FGGY: variants seen among roughly 807,000 people sequenced by gnomAD.
FGGY encodes the protein FGGY carbohydrate kinase domain containing.
In FGGY, 72 loss-of-function variants were observed where a neutral mutation model predicts 71.3. The ratio of observed to expected loss-of-function variants is 1.01; its 90% CI spans 0.84 to 1.23. The LOEUF is 1.23. Ranked by LOEUF, FGGY falls within the 50% of genes most tolerant of loss-of-function variation. The pLI, the probability that FGGY is intolerant of heterozygous loss-of-function variation, is 0.00. For synonymous variants in FGGY, 251 were observed against 250.3 expected (o/e 1.00, Z -0.02); for missense variants, 668 against 682.3 (o/e 0.98, Z 0.23).
At chr1:59,533,009 A>G (rs1308911493) in intron 7 of FGGY, among the ~76,000 whole-genome samples, 1 of 152,208 alleles carries the variant, frequency 6.6e-6, no homozygotes, top group Non-Finnish European at 1.5e-5. Flanking sequence ...AGGAGCCAAG[A>G]TGGCCGAATA....
chr1:59,411,071 C>A (rs1457529572), intron 5 of FGGY, among the ~76,000 whole-genome samples: 1 of 152,146 alleles, frequency 6.6e-6, no homozygotes, highest in Non-Finnish European at 1.5e-5. Flanking sequence ...CTAGTTTTGC[C>A]AGTTGTCATA....
intron 7 of FGGY, among the ~76,000 whole-genome samples, chr1:59,536,048 G>A (rs908905491): frequency 6.6e-6 from 1 of 151,366 alleles, no homozygotes; most frequent in African/African-American, 2.4e-5. Flanking sequence ...CCAGGAGCTG[G>A]TTTTTTGAAA....
At chr1:59,684,907 G>A (rs888005696) in intron 14 of FGGY, among the ~76,000 whole-genome samples, 59 of 152,320 alleles carry the variant, frequency 3.9e-4, no homozygotes, top group African/African-American at 1.3e-3. Context: ...TGCCTATTCA[G>A]CAGAAAAGTA....
chr1:59,743,195 C>T lies in FGGY; in HGVS notation c.1513-14736C>T, dbSNP rs141957521. On this transcript the variant is annotated intron_variant, in intron 14 of 15. Transcript: ENST00000303721. Reference sequence around the variant, plus strand: ...TGTATCATGTTGTCTTTACTTAAGGCCTTCAGATATGCATTTCCTTCAGTC... The same window carrying T: ...TGTATCATGTTGTCTTTACTTAAGGTCTTCAGATATGCATTTCCTTCAGTC... Among the ~76,000 whole-genome samples, 21 of 152,266 alleles carry T rather than the reference C, an allele frequency of 1.4e-4. No homozygotes were observed. In the East Asian group the frequency reaches 4.1e-3, roughly 29 times the overall value.
chr1:59,690,088 G>T (rs1406909598), intron 14 of FGGY, among the ~76,000 whole-genome samples: 1 of 152,164 alleles, frequency 6.6e-6, no homozygotes, highest in African/African-American at 2.4e-5. Flanking sequence ...CACTACAGAG[G>T]CTGGAGGAGA....
chr1:59,638,194 C>A (rs1012413719), intron 10 of FGGY, 34 bp from the exon 11 acceptor site: 2 of 1,603,726 alleles, frequency 1.2e-6, no homozygotes, highest in Admixed American at 1.7e-5. Flanking sequence ...TGACCCTATC[C>A]CCCCTTTAAA....
rs1164336353 is a variant in FGGY, at chr1:59,628,646, A to G, written c.1073+2597A>G. ...AATCTAAAATTATTTTGAAATAAAA[A>G]GTCTAAAAAATAATGAATGGATTTT... is the stretch of plus-strand genomic sequence containing the variant. On this transcript the variant is annotated intron_variant, in intron 10 of 15. Coordinates refer to ENST00000303721, the MANE Select transcript of FGGY (RefSeq NM_018291.5). Among the ~76,000 whole-genome samples, 4 of 152,360 alleles carry G rather than the reference A, an allele frequency of 2.6e-5. No homozygotes were observed. In the South Asian group the frequency reaches 8.3e-4, roughly 32 times the overall value.
chr1:59,500,008 T>C (rs1181652445), intron 6 of FGGY, among the ~76,000 whole-genome samples: 3 of 152,228 alleles, frequency 2.0e-5, no homozygotes, highest in African/African-American at 7.2e-5. Context: ...TGATTGTCTC[T>C]GTACTGTCGA....
intron 14 of FGGY, among the ~76,000 whole-genome samples, chr1:59,711,410 T>C (rs1341689286): frequency 6.6e-6 from 1 of 152,138 alleles, no homozygotes; most frequent in African/African-American, 2.4e-5. Context: ...TGGATGTTCT[T>C]CACATGTATC....
At chr1:59,325,107 A>C (rs578190357) in intron 2 of FGGY, among the ~76,000 whole-genome samples, 13 of 152,264 alleles carry the variant, frequency 8.5e-5, no homozygotes, top group African/African-American at 2.6e-4. Context: ...TAATCCCAGC[A>C]CTTTGGGAGG....
At chr1:59,591,642 A>C (rs1358069238) in intron 8 of FGGY, among the ~76,000 whole-genome samples, 3 of 152,200 alleles carry the variant, frequency 2.0e-5, no homozygotes, top group Non-Finnish European at 2.9e-5. Context: ...CCGCATATCT[A>C]TAACTACCTG....
chr1:59,553,941 C>T (rs1395386101), intron 7 of FGGY, 183 bp from the exon 8 acceptor site: 6 of 458,820 alleles, frequency 1.3e-5, no homozygotes, highest in Non-Finnish European at 2.0e-5. Context: ...AGCAGGCTTC[C>T]GAGGTTTCCT....
intron 12 of FGGY, among the ~76,000 whole-genome samples, chr1:59,661,526 T>C (rs2097273447): frequency 6.6e-6 from 1 of 152,094 alleles, no homozygotes; most frequent in South Asian, 2.1e-4. Flanking sequence ...GCATGGAAAC[T>C]TGGTCAAAAG....
At chr1:59,353,821 C>T (rs774672539) in intron 4 of FGGY, among the ~76,000 whole-genome samples, 20 of 152,046 alleles carry the variant, frequency 1.3e-4, no homozygotes, top group Non-Finnish European at 2.8e-4. Context: ...TAGCTCTGTT[C>T]CCTCATCTGC....
intron 2 of FGGY, among the ~76,000 whole-genome samples, chr1:59,329,534 C>T (rs1048391011): frequency 1.3e-5 from 2 of 152,230 alleles, no homozygotes; most frequent in Non-Finnish European, 2.9e-5. Flanking sequence ...ACATGGCCTT[C>T]AGGGCCCTAC....
At chr1:59,542,437 G>C (rs1415803713) in intron 7 of FGGY, among the ~76,000 whole-genome samples, 1 of 58,166 alleles carries the variant, frequency 1.7e-5, no homozygotes, top group Non-Finnish European at 3.7e-5. Context: ...CTATATGTAT[G>C]TTCTTTACTT....
intron 8 of FGGY, among the ~76,000 whole-genome samples, chr1:59,559,268 G>C (rs2095746293): frequency 6.6e-6 from 1 of 152,192 alleles, no homozygotes; most frequent in Admixed American, 6.5e-5. Flanking sequence ...TTCAGAGATT[G>C]AAGTAAAGAT....
intron 14 of FGGY, among the ~76,000 whole-genome samples, chr1:59,700,640 C>T (rs1206750842): frequency 6.6e-6 from 1 of 152,206 alleles, no homozygotes; most frequent in Non-Finnish European, 1.5e-5. Flanking sequence ...GCTTTCCTCA[C>T]TGAGTGCCTC....
chr1:59,698,345 T>C (rs112864511), intron 14 of FGGY, among the ~76,000 whole-genome samples: 26 of 152,304 alleles, frequency 1.7e-4, no homozygotes, highest in African/African-American at 5.8e-4. Flanking sequence ...TCTTCCCAGC[T>C]AGTCAGAACC....
Sources: gnomAD v4.1 joint callset for allele counts (sites outside exome capture counted in the v4.1 genomes callset) on GRCh38, gnomAD v4.1.1 for gene constraint, MANE v1.5 for transcripts, NCBI Gene and HGNC (gene_info 2026-07-23, HGNC 2026-07-21) for gene names.